Variants in EIF4G3 observed in about 807,000 individuals in gnomAD.
EIF4G3 encodes the protein eIF-4-gamma 3.
In EIF4G3, 34 loss-of-function variants were observed where a neutral mutation model predicts 186.4. That is an observed-to-expected ratio of 0.18 (90% CI 0.14 to 0.24). EIF4G3 has a LOEUF of 0.24. EIF4G3 is among the 10% of genes least tolerant of loss of function. The pLI, the probability that EIF4G3 is intolerant of heterozygous loss-of-function variation, is 1.00. For missense variants in EIF4G3, 1,536 were observed against 1,948.5 expected, an observed-to-expected ratio of 0.79 and a Z score of 3.99; for synonymous variants, 673 against 679.5, an observed-to-expected ratio of 0.99 and a Z score of 0.15.
At chr1:20,916,548 T>A (rs2093895319) in intron 14 of EIF4G3, among the ~76,000 whole-genome samples, 1 of 152,064 alleles carries the variant, frequency 6.6e-6, no homozygotes, top group Admixed American at 6.6e-5. Flanking sequence ...GTCTACAGTG[T>A]CAATGCAAAT....
rs2058941994 is a variant in EIF4G3 at position 20,810,102 on chromosome 1, C to T, written c.4744+636G>A. Among the ~76,000 whole-genome samples the T allele has an allele frequency of 6.6e-6, 1 of 151,610 alleles. No homozygotes were observed. The highest frequency in any genetic ancestry group is 2.4e-5 in the African/African-American group (1 of 41,262). On this transcript the variant is annotated intron_variant, in intron 36 of 36. Transcript: ENST00000602326. This position sits in a 1 kb window ranked among gnomAD's most constrained non-coding sequence, Gnocchi z 4.1. ...TCTCGTGCTTCAGCTTTCTGAGTAG[C>T]TGTAGCTGGGACTACAGGCACATGC...
chr1:21,111,987 A>T (rs1446899131), intron 2 of EIF4G3, among the ~76,000 whole-genome samples: 1 of 152,162 alleles, frequency 6.6e-6, no homozygotes, highest in Non-Finnish European at 1.5e-5. Context: ...CAGGCCAAAG[A>T]TCTAGTTTAT....
At chr1:21,091,699 G>T (rs1308988411) in intron 2 of EIF4G3, among the ~76,000 whole-genome samples, 1 of 152,004 alleles carries the variant, frequency 6.6e-6, no homozygotes, top group African/African-American at 2.4e-5. Flanking sequence ...CCTTGAAGAG[G>T]TCCTTCATAT....
intron 4 of EIF4G3, among the ~76,000 whole-genome samples, chr1:21,044,537 A>G (rs1299183494): frequency 6.6e-6 from 1 of 152,156 alleles, no homozygotes; most frequent in Non-Finnish European, 1.5e-5. Context: ...ATCATGGTTA[A>G]CAAGTGTGCA....
At chr1:20,918,003 T>G (rs571909959) in intron 14 of EIF4G3, among the ~76,000 whole-genome samples, 1 of 152,256 alleles carries the variant, frequency 6.6e-6, no homozygotes, top group African/African-American at 2.4e-5. Flanking sequence ...CCAAGGGCTT[T>G]TTTTCTTCCT....
At chr1:21,127,403 C>T (rs989098904) in intron 2 of EIF4G3, among the ~76,000 whole-genome samples, 1 of 152,174 alleles carries the variant, frequency 6.6e-6, no homozygotes, top group Non-Finnish European at 1.5e-5. Flanking sequence ...TTTTTCTACA[C>T]AGCACTTATC....
intron 4 of EIF4G3, among the ~76,000 whole-genome samples, chr1:21,028,932 C>T (rs181725404): frequency 1.1e-4 from 16 of 152,294 alleles, no homozygotes; most frequent in East Asian, 3.9e-4. Flanking sequence ...GTTGCCCAAG[C>T]GGGAGTTCAT....
chr1:20,958,834 T>C (rs752749455), intron 12 of EIF4G3, among the ~76,000 whole-genome samples: 1 of 152,050 alleles, frequency 6.6e-6, no homozygotes, highest in Non-Finnish European at 1.5e-5. Context: ...CCTAGGAATA[T>C]ACTTAACTAA....
intron 14 of EIF4G3, among the ~76,000 whole-genome samples, chr1:20,907,760 A>G (rs987361844): frequency 6.6e-6 from 1 of 152,160 alleles, no homozygotes; most frequent in East Asian, 1.9e-4. Flanking sequence ...TCCATGGTGT[A>G]TATGTGCCAC....
intron 10 of EIF4G3, among the ~76,000 whole-genome samples, chr1:20,973,476 T>C (rs1348094348): frequency 1.3e-5 from 2 of 152,206 alleles, no homozygotes; most frequent in East Asian, 1.9e-4. Flanking sequence ...TGTATGTTTG[T>C]TTATGGGTTT....
rs1471121881 is a variant in EIF4G3 at position 21,007,538 on chromosome 1, C to CA, written c.-66-4731dup. 1.7e-4 allele frequency among the ~76,000 whole-genome samples: 10 copies of CA among 58,490 alleles called. No homozygotes were observed. In the Admixed American group the frequency reaches 1.8e-3, roughly 10 times the overall value. 38.4% of individuals were successfully genotyped at this position (58,490 alleles called of 152,430 possible). A position where few individuals can be genotyped will look rare whatever the true frequency, so the allele number is the denominator to read the frequency against. On this transcript the variant is annotated intron_variant, in intron 4 of 36. Transcript: ENST00000602326. ...CTTAAAAAAAAAAAAAAAAAAAAAACACACTCAAAAACAAAAAAACTGGAA... is the reference window on the plus strand; with the variant it reads ...CTTAAAAAAAAAAAAAAAAAAAAAACAACACTCAAAAACAAAAAAACTGGAA...
intron 4 of EIF4G3, among the ~76,000 whole-genome samples, chr1:21,006,959 A>G (rs2085261749): frequency 6.6e-6 from 1 of 152,244 alleles, no homozygotes; most frequent in African/African-American, 2.4e-5. Context: ...TTTACATATA[A>G]GTCAGAGATG....
chr1:21,062,116 T>C (rs186541000), intron 3 of EIF4G3, among the ~76,000 whole-genome samples: 7 of 151,992 alleles, frequency 4.6e-5, no homozygotes, highest in Non-Finnish European at 8.8e-5. Flanking sequence ...TGAAGCATAG[T>C]AGTGCGATCA....
intron 2 of EIF4G3, among the ~76,000 whole-genome samples, chr1:21,128,076 G>A (rs907300239): frequency 3.3e-5 from 5 of 151,880 alleles, no homozygotes; most frequent in East Asian, 3.9e-4. Context: ...GCGTGGTGGC[G>A]GGCGCCTGTA....
chr1:21,137,900 CT>C (rs1200209938), intron 2 of EIF4G3, among the ~76,000 whole-genome samples: 3 of 151,402 alleles, frequency 2.0e-5, no homozygotes, highest in Non-Finnish European at 2.9e-5. Flanking sequence ...ATAACTAAAT[CT>C]AAATGTAATA....
intron 2 of EIF4G3, among the ~76,000 whole-genome samples, chr1:21,169,961 G>C (rs1365218660): frequency 2.0e-5 from 3 of 152,100 alleles, no homozygotes; most frequent in African/African-American, 7.2e-5. Flanking sequence ...CGGATCACAA[G>C]ATCAGGAGAT....
chr1:21,149,133 T>C (rs961668302), intron 2 of EIF4G3, among the ~76,000 whole-genome samples: 1 of 152,020 alleles, frequency 6.6e-6, no homozygotes, highest in South Asian at 2.1e-4. Context: ...TATATCAATA[T>C]GTTAAAATAG....
intron 7 of EIF4G3, among the ~76,000 whole-genome samples, chr1:20,993,274 T>C (rs1249117910): frequency 6.6e-6 from 1 of 152,128 alleles, no homozygotes; most frequent in Non-Finnish European, 1.5e-5. Flanking sequence ...ACCTTTTAAA[T>C]AAAAGAAGTT....
chr1:21,016,668 C>T (rs947276313), intron 4 of EIF4G3, among the ~76,000 whole-genome samples: 4 of 147,544 alleles, frequency 2.7e-5, no homozygotes, highest in Non-Finnish European at 6.0e-5. Context: ...TAAAAAAAAA[C>T]AATAAAAGGA....
Sources: allele counts gnomAD v4.1 joint callset (sites outside exome capture counted in the v4.1 genomes callset), GRCh38; gene constraint gnomAD v4.1.1; non-coding constraint Gnocchi (gnomAD v3.1); transcripts MANE v1.5; gene names NCBI Gene and HGNC (gene_info 2026-07-23, HGNC 2026-07-21).